Variants in OXR1 observed in about 807,000 individuals in gnomAD.
OXR1 encodes the protein oxidation resistance 1, also known as oxidation resistance protein 1.
In OXR1, 41 loss-of-function variants were observed where a neutral mutation model predicts 104.6. The observed-to-expected ratio is 0.39, with a 90% CI of 0.31 to 0.51. The LOEUF (loss-of-function observed/expected upper bound fraction) is 0.51. OXR1 is among the 20% of genes least tolerant of loss of function. The pLI, the probability that OXR1 is intolerant of heterozygous loss-of-function variation, is 0.77. For missense variants in OXR1, 955 were observed against 1,031.9 expected, an observed-to-expected ratio of 0.93 and a Z score of 1.02; for synonymous variants, 348 against 348.4, an observed-to-expected ratio of 1.00 and a Z score of 0.01.
intron 3 of OXR1, among the ~76,000 whole-genome samples, chr8:106,644,826 C>T (rs145414488): frequency 7.0e-4 from 107 of 152,198 alleles, no homozygotes; most frequent in African/African-American, 2.5e-3. Context: ...AGGCCGCAAA[C>T]GTGGCTTATA....
chr8:106,296,876 T>C (rs1813021296), intron 1 of OXR1, among the ~76,000 whole-genome samples: 1 of 152,212 alleles, frequency 6.6e-6, no homozygotes, highest in Admixed American at 6.5e-5. Context: ...CTTATAATGG[T>C]CATGTATTTA....
Position 106,650,683 on chromosome 8 carries a change from C to A in OXR1, c.221-28527C>A, listed in dbSNP as rs77797890. On this transcript the variant is annotated intron_variant, in intron 3 of 16. Transcript: ENST00000517566. ...CTCTCATCACACCCTAAGCCACCCA[C>A]TTCTTTTCTCAGAAAGCAACCACCA... Among the ~76,000 whole-genome samples the A allele has an allele frequency of 5.2e-3, 785 of 152,302 alleles. 5 individuals are homozygous for A. The highest frequency in any genetic ancestry group is 0.017 in the African/African-American group (715 of 41,574).
At chr8:106,288,542 G>GTGTGTA (rs148349338) in intron 1 of OXR1, among the ~76,000 whole-genome samples, 31,991 of 147,326 alleles carry the variant, frequency 0.22, 5,109 homozygotes, top group African/African-American at 0.45. Flanking sequence ...GTGTGTGTGT[G>GTGTGTA]TATATATATA....
intron 2 of OXR1, among the ~76,000 whole-genome samples, chr8:106,460,666 A>AT (rs948843603): frequency 1.3e-5 from 2 of 152,158 alleles, no homozygotes; most frequent in African/African-American, 4.8e-5. Context: ...CATTCATCTG[A>AT]TGGTATGTTT....
chr8:106,376,280 G>T (rs1335027811), intron 2 of OXR1, among the ~76,000 whole-genome samples: 1 of 152,180 alleles, frequency 6.6e-6, no homozygotes, highest in Non-Finnish European at 1.5e-5. Flanking sequence ...CCCTTTGGAG[G>T]AATATCCTCA....
intron 2 of OXR1, among the ~76,000 whole-genome samples, chr8:106,472,400 A>G (rs1165025787): frequency 4.0e-5 from 6 of 151,868 alleles, no homozygotes; most frequent in African/African-American, 1.2e-4. Flanking sequence ...GCTTGAGAGT[A>G]TGAAGTAAAA....
At chr8:106,652,259 G>A (rs1015978588) in intron 3 of OXR1, among the ~76,000 whole-genome samples, 4 of 151,932 alleles carry the variant, frequency 2.6e-5, no homozygotes, top group African/African-American at 9.7e-5. Context: ...AGTGAGCTTG[G>A]GTAGGAGCTT....
chr8:106,665,309 G>A (rs1243191193), intron 3 of OXR1, among the ~76,000 whole-genome samples: 1 of 152,132 alleles, frequency 6.6e-6, no homozygotes, highest in Non-Finnish European at 1.5e-5. Context: ...TGGAGTACCT[G>A]GAGAAAACCT....
At chr8:106,355,689 A>G (rs896332259) in intron 1 of OXR1, among the ~76,000 whole-genome samples, 2 of 152,048 alleles carry the variant, frequency 1.3e-5, no homozygotes, top group Non-Finnish European at 2.9e-5. Flanking sequence ...ATAAACATGT[A>G]AGTTTTTTTT....
In OXR1 at chr8:106,359,574, G is replaced by T; in HGVS notation, c.-40G>T. On this transcript the variant is annotated 5_prime_UTR_variant, in exon 2 of 17. Coordinates refer to ENST00000517566, the MANE Select transcript of OXR1 (RefSeq NM_001198533.2). ...TGTCGACTTGACCTGCTAATTTCCT[G>T]TTCTGGAATCGAGAGAAGACTCCTC... is the stretch of plus-strand genomic sequence containing the variant. The T allele has an allele frequency of 6.5e-7, 1 of 1,531,468 alleles. No homozygotes were observed. Among genetic ancestry groups the T allele is most frequent in the South Asian group, 1.2e-5 (1 of 83,592 alleles). The allele number at this position is 1,531,468 out of a possible 1,614,324, so 94.9% of individuals were successfully genotyped here. A position where few individuals can be genotyped will look rare whatever the true frequency, so the allele number is the denominator to read the frequency against.
At chr8:106,386,383 G>T (rs1817374116) in intron 2 of OXR1, among the ~76,000 whole-genome samples, 1 of 152,182 alleles carries the variant, frequency 6.6e-6, no homozygotes, top group Non-Finnish European at 1.5e-5. Context: ...GATCCTTCAT[G>T]CATTTGCTTA....
At chr8:106,424,509 T>C (rs1399336558) in intron 2 of OXR1, among the ~76,000 whole-genome samples, 1 of 152,154 alleles carries the variant, frequency 6.6e-6, no homozygotes, top group Non-Finnish European at 1.5e-5. Flanking sequence ...ATAGATTCTA[T>C]TATGTATTTA....
chr8:106,724,570 A>G (rs2131480052), intron 11 of OXR1, among the ~76,000 whole-genome samples: 1 of 152,360 alleles, frequency 6.6e-6, no homozygotes, highest in South Asian at 2.1e-4. Flanking sequence ...TTTGTTAGAA[A>G]TGCAAATTCT....
chr8:106,303,029 A>G (rs1211017469), intron 1 of OXR1, among the ~76,000 whole-genome samples: 1 of 151,262 alleles, frequency 6.6e-6, no homozygotes, highest in East Asian at 2.0e-4. Flanking sequence ...CTGGGATTAC[A>G]GGCGTGAGCC....
At chr8:106,475,106 G>T (rs901292599) in intron 2 of OXR1, among the ~76,000 whole-genome samples, 1 of 151,852 alleles carries the variant, frequency 6.6e-6, no homozygotes, top group African/African-American at 2.4e-5. Flanking sequence ...GTTGACCCTT[G>T]AACAGTGTAG....
At chr8:106,614,744 T>C (rs765982809) in intron 3 of OXR1, among the ~76,000 whole-genome samples, 2 of 152,216 alleles carry the variant, frequency 1.3e-5, no homozygotes, top group Non-Finnish European at 2.9e-5. Flanking sequence ...AGATATGACA[T>C]ATAGATAAAT....
At chr8:106,665,199 TCA>T (rs139048099) in intron 3 of OXR1, among the ~76,000 whole-genome samples, 3 of 150,678 alleles carry the variant, frequency 2.0e-5, no homozygotes, top group South Asian at 2.1e-4. Flanking sequence ...CAGGGCACAG[TCA>T]CACACACACA....
At chr8:106,316,576 C>T (rs1425815011) in intron 1 of OXR1, among the ~76,000 whole-genome samples, 7 of 152,134 alleles carry the variant, frequency 4.6e-5, no homozygotes, top group African/African-American at 1.4e-4. Context: ...CTTGTTTCCT[C>T]ATTTTATTTC....
intron 3 of OXR1, among the ~76,000 whole-genome samples, chr8:106,671,911 A>G (rs951448101): frequency 1.3e-5 from 2 of 150,810 alleles, no homozygotes; most frequent in African/African-American, 4.9e-5. Flanking sequence ...TGGCACATGG[A>G]TACATATGTA....
Sources: gnomAD v4.1 joint callset for allele counts (sites outside exome capture counted in the v4.1 genomes callset) on GRCh38, gnomAD v4.1.1 for gene constraint, MANE v1.5 for transcripts, NCBI Gene and HGNC (gene_info 2026-07-23, HGNC 2026-07-21) for gene names.